The following LTN1 variants were observed in gnomAD, a reference collection of about 807,000 sequenced individuals.
The protein encoded by LTN1 is E3 ubiquitin-protein ligase listerin.
A neutral mutation model predicts 201.2 loss-of-function variants in LTN1; 88 were observed. That is an observed-to-expected ratio of 0.44 (90% CI 0.37 to 0.52). LTN1 has a LOEUF of 0.52. Among genes scored for constraint, LTN1 ranks in the 20% least tolerant of loss-of-function variants. The pLI is 0.00. For synonymous variants in LTN1, 645 were observed against 713.5 expected (o/e 0.90, Z 1.53); for missense variants, 1,752 against 2,038.7 (o/e 0.86, Z 2.71).
intron 3 of LTN1, among the ~76,000 whole-genome samples, chr21:28,985,470 A>C (rs2084691133): frequency 6.6e-6 from 1 of 151,900 alleles, no homozygotes; most frequent in Non-Finnish European, 1.5e-5. Context: ...AATTAAAAAA[A>C]AAAAAAAAAA....
At chr21:28,960,761 T>C in intron 11 of LTN1, 55 bp from the exon 12 acceptor site, 1 of 1,200,786 alleles carries the variant, frequency 8.3e-7, no homozygotes, top group Non-Finnish European at 1.2e-6. Flanking sequence ...ACTCTCTCTG[T>C]CCAAAATATT....
At chr21:28,961,039 A>G (rs1351597453) in intron 11 of LTN1, among the ~76,000 whole-genome samples, 1 of 150,476 alleles carries the variant, frequency 6.6e-6, no homozygotes, top group African/African-American at 2.4e-5. Context: ...TCCAGCCCAC[A>G]ATGATCACTG....
At chr21:28,947,681 GACT>G in intron 18 of LTN1, 75 bp from the exon 19 acceptor site, 1 of 862,760 alleles carries the variant, frequency 1.2e-6, no homozygotes, top group Non-Finnish European at 1.7e-6. Context: ...CTTTTATTTA[GACT>G]ACTGAAAAAG....
intron 14 of LTN1, 41 bp downstream of exon 14, chr21:28,958,345 A>T: frequency 1.3e-6 from 2 of 1,563,328 alleles, no homozygotes; most frequent in Non-Finnish European, 1.7e-6. Context: ...ACACTGTTCA[A>T]GTATAAAAGA....
intron 11 of LTN1, among the ~76,000 whole-genome samples, chr21:28,961,131 G>C (rs2084475627): frequency 6.6e-6 from 1 of 152,050 alleles, no homozygotes; most frequent in Admixed American, 6.6e-5. Context: ...TCTTTCCAAT[G>C]AGATTGTAAG....
intron 25 of LTN1, among the ~76,000 whole-genome samples, chr21:28,938,551 C>A (rs2084274094): frequency 1.3e-5 from 2 of 152,078 alleles, no homozygotes; most frequent in Admixed American, 1.3e-4. Context: ...ACATATACGA[C>A]CCAGCAATCC....
At chr21:28,964,769 A>T (rs1484334022) in intron 11 of LTN1, 1 of 1,549,312 alleles carries the variant, frequency 6.5e-7, no homozygotes, top group Non-Finnish European at 8.7e-7. Context: ...GTACATTCCT[A>T]AGTTGGAAAT....
chr21:28,987,914 C>T (rs886127294), intron 1 of LTN1, among the ~76,000 whole-genome samples: 10 of 151,846 alleles, frequency 6.6e-5, no homozygotes, highest in African/African-American at 7.3e-5. Context: ...AAGGCCAAGG[C>T]GGGCAGATCA....
intron 25 of LTN1, among the ~76,000 whole-genome samples, chr21:28,940,051 C>G (rs1305853822): frequency 6.6e-6 from 1 of 152,190 alleles, no homozygotes; most frequent in Non-Finnish European, 1.5e-5. Context: ...TCCAAAAAGT[C>G]ACATTGGAAA....
intron 18 of LTN1, among the ~76,000 whole-genome samples, chr21:28,950,035 T>C (rs751745924): frequency 6.6e-6 from 1 of 152,128 alleles, no homozygotes; most frequent in Non-Finnish European, 1.5e-5. Flanking sequence ...GCATGCAGTC[T>C]CTTTCACTTT....
At chr21:28,952,292 T>G in intron 17 of LTN1, 28 bp from the exon 18 acceptor site, 1 of 1,363,888 alleles carries the variant, frequency 7.3e-7, no homozygotes, top group African/African-American at 1.5e-5. Context: ...AAAATTATAT[T>G]CCGTTTTGAA....
chr21:28,968,007 T>G (rs2084540858), intron 9 of LTN1: 1 of 152,122 alleles, frequency 6.6e-6, no homozygotes, highest in African/African-American at 2.4e-5. Context: ...AATTGTTTTT[T>G]CCACTCACAG....
intron 6 of LTN1, among the ~76,000 whole-genome samples, chr21:28,979,209 G>C (rs907074090): frequency 3.9e-5 from 6 of 152,220 alleles, no homozygotes; most frequent in African/African-American, 1.4e-4. Context: ...ATCACGTATT[G>C]ATGGTTGAGT....
chr21:28,953,348 C>A lies in LTN1; in HGVS notation c.3108G>T (p.Trp1036Cys). Reference sequence around the variant, plus strand: ...TAGGTGGGTTATCTAATTCTTCACACCACTGCAGTGAATAAAGCAGTTCTG... The same window carrying A: ...TAGGTGGGTTATCTAATTCTTCACAACACTGCAGTGAATAAAGCAGTTCTG... The part of the protein sequence containing the change: ...IIAELLYSLQ[W>C]CEELDNPPIF... Residue 1036 changes from tryptophan (W) to cysteine (C), a missense_variant, in exon 17 of 30, where the codon TGG becomes TGT. Transcript: ENST00000361371. The A allele has an allele frequency of 6.3e-7, 1 of 1,594,680 alleles. No homozygotes were observed.
At chr21:28,952,061 C>G (rs2084386950) in intron 18 of LTN1, 99 bp downstream of exon 18, 1 of 634,726 alleles carries the variant, frequency 1.6e-6, no homozygotes, top group Non-Finnish European at 2.7e-6. Context: ...TTTCCTAAAC[C>G]TGTTTTCTTG....
At chr21:28,935,900 G>A (rs528237767) in intron 26 of LTN1, among the ~76,000 whole-genome samples, 1 of 150,074 alleles carries the variant, frequency 6.7e-6, no homozygotes, top group South Asian at 2.1e-4. Flanking sequence ...CCTAGAAACA[G>A]ATTTCTGTAT....
chr21:28,948,021 T>C (rs908197919), intron 18 of LTN1, among the ~76,000 whole-genome samples: 8 of 151,204 alleles, frequency 5.3e-5, no homozygotes, highest in Non-Finnish European at 1.2e-4. Flanking sequence ...TGATACCCCA[T>C]CTCTACTAAA....
chr21:28,951,150 T>C (rs1414964301), intron 18 of LTN1, among the ~76,000 whole-genome samples: 1 of 152,242 alleles, frequency 6.6e-6, no homozygotes, highest in Admixed American at 6.5e-5. Context: ...GGTAGATGTA[T>C]GATTTATTCT....
chr21:28,966,562 T>G lies in LTN1; in HGVS notation c.1929A>C (p.Gln643His). 5 of 1,614,140 alleles carry G rather than the reference T, an allele frequency of 3.1e-6. No homozygotes were observed. The highest frequency in any genetic ancestry group is 4.2e-6 in the Non-Finnish European group (5 of 1,180,014). The part of the protein sequence containing the change: ...LLGDEKQSIV[Q>H]AKPLEIAKLV... ...GCTTGGCTATTTCAAGAGGTTTGGC[T>G]TGGACAATACTCTGTTTTTCATCAC... The change falls in exon 10 of 30, where the codon CAA becomes CAC. Residue 643 changes from glutamine to histidine, a missense_variant. This residue lies in a region of LTN1 where 1,211 missense variants were observed against 1,312.8 expected (regional missense o/e 0.92). Coordinates refer to ENST00000361371, the MANE Select transcript of LTN1 (RefSeq NM_015565.3).
Sources: gnomAD v4.1 joint callset for allele counts (sites outside exome capture counted in the v4.1 genomes callset) on GRCh38, gnomAD v4.1.1 for gene constraint, gnomAD v4.1.1 regional missense constraint, MANE v1.5 for transcripts, NCBI Gene and HGNC (gene_info 2026-07-23, HGNC 2026-07-21) for gene names.